SEMA3A: variants seen among roughly 807,000 people sequenced by gnomAD.
SEMA3A encodes the protein semaphorin-3A.
Under a neutral mutation model 97.9 loss-of-function variants are expected in SEMA3A, and 29 were observed. The observed-to-expected ratio is 0.30, with a 90% confidence interval of 0.22 to 0.40. The LOEUF is 0.40. Among genes scored for constraint, SEMA3A ranks in the 10% least tolerant of loss-of-function variants. SEMA3A has a pLI of 1.00. For synonymous variants in SEMA3A, 321 were observed against 323.7 expected, an observed-to-expected ratio of 0.99 and a Z score of 0.09; for missense variants, 763 against 951.3, an observed-to-expected ratio of 0.80 and a Z score of 2.60.
chr7:83,962,496 T>G (rs530919927), intron 16 of SEMA3A, among the ~76,000 whole-genome samples: 15 of 152,184 alleles, frequency 9.9e-5, no homozygotes, highest in Non-Finnish European at 8.8e-5. Context: ...CAAAAGATAA[T>G]GGAAGAGTTT....
chr7:84,490,268 G>T (rs1323158107), intron 1 of SEMA3A, among the ~76,000 whole-genome samples: 3 of 150,834 alleles, frequency 2.0e-5, no homozygotes, highest in Non-Finnish European at 4.4e-5. Flanking sequence ...CTTCTTTGAG[G>T]TTGTCACTAG....
intron 1 of SEMA3A, among the ~76,000 whole-genome samples, chr7:84,485,684 T>A (rs1330516941): frequency 6.6e-6 from 1 of 152,200 alleles, no homozygotes; most frequent in Non-Finnish European, 1.5e-5. Context: ...TTATGTGAAT[T>A]TCAGACATCC....
intron 15 of SEMA3A, among the ~76,000 whole-genome samples, chr7:83,964,502 T>G (rs1788595181): frequency 6.6e-6 from 1 of 152,184 alleles, no homozygotes; most frequent in African/African-American, 2.4e-5. Context: ...TCACTAGGTT[T>G]AAAGCCTTCA....
intron 1 of SEMA3A, among the ~76,000 whole-genome samples, chr7:84,470,960 G>A (rs1338704335): frequency 6.6e-6 from 1 of 151,974 alleles, no homozygotes; most frequent in Admixed American, 6.6e-5. Context: ...AGTAAAGATG[G>A]GAACTCTGAG....
chr7:83,981,350 T>A lies in SEMA3A; in HGVS notation c.1623A>T (p.Ala541=). 6.2e-7 allele frequency: 1 copy of A among 1,614,076 alleles called. No homozygotes were observed. The highest frequency in any genetic ancestry group is 1.1e-5 in the South Asian group (1 of 91,072). The part of the protein sequence containing the change: ...RDPYCAWDGS[A]CSRYFPTAKR... ...TTGCAGTGGGAAAATAGCGAGAACA[T>A]GCAGAACCATCCCAAGCACAGTAAG... is the stretch of plus-strand genomic sequence containing the variant. The change falls in exon 14 of 17, where the codon GCA becomes GCT. Residue 541 remains alanine, a synonymous_variant. Transcript: ENST00000265362.
chr7:84,481,717 G>C (rs1312872035), intron 1 of SEMA3A, among the ~76,000 whole-genome samples: 1 of 151,912 alleles, frequency 6.6e-6, no homozygotes, highest in African/African-American at 2.4e-5. Flanking sequence ...AGTGTCTATA[G>C]CTTGACAGAA....
intron 1 of SEMA3A, among the ~76,000 whole-genome samples, chr7:84,426,296 A>G (rs1202751038): frequency 4.6e-5 from 7 of 151,808 alleles, no homozygotes; most frequent in African/African-American, 1.7e-4. Flanking sequence ...AGATAGATAG[A>G]TAGATAGATA....
chr7:83,970,613 TC>T (rs928586375), intron 15 of SEMA3A, among the ~76,000 whole-genome samples: 18 of 152,228 alleles, frequency 1.2e-4, no homozygotes, highest in African/African-American at 4.3e-4. Context: ...ATTTTGATGT[TC>T]TACTTTATTG....
chr7:84,150,306 T>G (rs1251937772), intron 1 of SEMA3A, among the ~76,000 whole-genome samples: 1 of 152,248 alleles, frequency 6.6e-6, no homozygotes, highest in East Asian at 1.9e-4. Context: ...GACGGGTGAT[T>G]TCTGCATTTC....
At chr7:84,169,940 A>G (rs1797335087) in intron 1 of SEMA3A, among the ~76,000 whole-genome samples, 1 of 151,896 alleles carries the variant, frequency 6.6e-6, no homozygotes, top group African/African-American at 2.4e-5. Flanking sequence ...TTAAAACCCG[A>G]AACTCCTAGT....
At chr7:84,450,419 C>T (rs1210909497) in intron 1 of SEMA3A, among the ~76,000 whole-genome samples, 1 of 152,138 alleles carries the variant, frequency 6.6e-6, no homozygotes, top group Non-Finnish European at 1.5e-5. Flanking sequence ...CCTTATTCCT[C>T]CCAGAACAGG....
chr7:84,050,949 C>A (rs2115615907), intron 5 of SEMA3A, among the ~76,000 whole-genome samples: 1 of 151,640 alleles, frequency 6.6e-6, no homozygotes, highest in African/African-American at 2.4e-5. Flanking sequence ...TTTCCCAGCA[C>A]CATTTATTAA....
chr7:84,289,676 T>C (rs1038232251), intron 3 of SEMA3A, among the ~76,000 whole-genome samples: 16 of 152,112 alleles, frequency 1.1e-4, no homozygotes, highest in African/African-American at 3.9e-4. Context: ...CTGGTGAGAA[T>C]GTAAAATGAT....
chr7:84,325,833 C>T (rs1030951037), intron 2 of SEMA3A, among the ~76,000 whole-genome samples: 1 of 152,084 alleles, frequency 6.6e-6, no homozygotes, highest in African/African-American at 2.4e-5. Context: ...CATCACCACT[C>T]GTGCTGTAAT....
chr7:84,041,065 G>T (rs6965653), intron 6 of SEMA3A, among the ~76,000 whole-genome samples: 45,523 of 151,750 alleles, frequency 0.3, 7,679 homozygotes, highest in East Asian at 0.61. Flanking sequence ...AATGGAAAAT[G>T]TGAACAATTT....
At chr7:84,446,977 G>A (rs1041728943) in intron 1 of SEMA3A, among the ~76,000 whole-genome samples, 4 of 152,136 alleles carry the variant, frequency 2.6e-5, no homozygotes, top group African/African-American at 9.7e-5. Context: ...AGGCATCCCC[G>A]CACTCTCAAG....
chr7:84,465,181 TA>T (rs1266306263), intron 1 of SEMA3A, among the ~76,000 whole-genome samples: 1 of 152,170 alleles, frequency 6.6e-6, no homozygotes, highest in Non-Finnish European at 1.5e-5. Flanking sequence ...GTATATTAAT[TA>T]GGAAGATTAT....
chr7:84,410,277 A>G (rs955860360), intron 1 of SEMA3A, among the ~76,000 whole-genome samples: 4 of 152,058 alleles, frequency 2.6e-5, no homozygotes, highest in African/African-American at 9.7e-5. Context: ...AAACATACAC[A>G]ATATATTTTT....
intron 3 of SEMA3A, among the ~76,000 whole-genome samples, chr7:84,227,625 C>T (rs1040901771): frequency 1.3e-5 from 2 of 151,960 alleles, no homozygotes; most frequent in African/African-American, 4.8e-5. Flanking sequence ...AGTAGGCATC[C>T]TTACAGGCAT....
Sources: allele counts gnomAD v4.1 joint callset (sites outside exome capture counted in the v4.1 genomes callset), GRCh38; gene constraint gnomAD v4.1.1; transcripts MANE v1.5; gene names NCBI Gene and HGNC (gene_info 2026-07-23, HGNC 2026-07-21).